The following ITGA10 variants were observed in gnomAD, a reference collection of about 807,000 sequenced individuals.
ITGA10 encodes integrin subunit alpha 10, also known as integrin alpha-10.
ITGA10 carries 105 observed loss-of-function variants against 145.2 expected under a neutral mutation model. The ratio of observed to expected loss-of-function variants is 0.72; its 90% CI spans 0.62 to 0.85. The LOEUF is 0.85. ITGA10 is among the 40% of genes least tolerant of loss of function. ITGA10 has a pLI of 0.00. For synonymous variants in ITGA10, 506 were observed against 557.8 expected (o/e 0.91, Z 1.31); for missense variants, 1,317 against 1,444.5 (o/e 0.91, Z 1.43).
In ITGA10 at chr1:145,901,867, T is replaced by C; in HGVS notation, c.1294+10A>G. ...ACCCTGTAAGTCCTCTGCAACTCTCTGCTGCTCACCCAGGTAGGCTGCATG... is the reference window on the plus strand; with the variant it reads ...ACCCTGTAAGTCCTCTGCAACTCTCCGCTGCTCACCCAGGTAGGCTGCATG... On this transcript the variant is annotated intron_variant, in intron 11 of 29. Coordinates refer to ENST00000369304, the MANE Select transcript of ITGA10 (RefSeq NM_003637.5). The surrounding 1 kb of genome is among the most constrained non-coding windows in gnomAD (Gnocchi z 4.3). 6.2e-7 allele frequency: 1 copy of C among 1,614,028 alleles called. No individual in the cohort carries two copies. The highest frequency in any genetic ancestry group is 8.5e-7 in the Non-Finnish European group (1 of 1,179,952).
At position 145,901,344 on chromosome 1, in the gene ITGA10, G is replaced by T; in HGVS notation, c.1444-66C>A. 1 of 1,583,216 alleles carries T rather than the reference G, an allele frequency of 6.3e-7. No individual in the cohort carries two copies. The highest frequency in any genetic ancestry group is 8.6e-7 in the Non-Finnish European group (1 of 1,159,662). ...AGGTAACTGTAGACAAGTGGACTCAGTGGGAAGCACTCACCAGCCTGCTAG... is the reference window on the plus strand; with the variant it reads ...AGGTAACTGTAGACAAGTGGACTCATTGGGAAGCACTCACCAGCCTGCTAG... On this transcript the variant is annotated intron_variant, in intron 12 of 29. Coordinates refer to ENST00000369304, the MANE Select transcript of ITGA10 (RefSeq NM_003637.5). This position sits in a 1 kb window ranked among gnomAD's most constrained non-coding sequence, Gnocchi z 4.3.
chr1:145,893,560 C>T lies in ITGA10; in HGVS notation c.3304G>A (p.Glu1102Lys), dbSNP rs1553743936. The change falls in exon 28 of 30, where the codon GAA (glutamate) becomes AAA (lysine). Residue 1102 changes from glutamate (E) to lysine (K), a missense_variant. Transcript: ENST00000369304. ...CCTACCTCACTCCAACGGGAGGCTT[C>T]AGTCAGCTGTAGGACACTGCCCTCT... ...TEEGSVLQLT[E>K]ASRWSESLLE... 6.2e-7 allele frequency: 1 copy of T among 1,612,156 alleles called. No homozygotes were observed. Among genetic ancestry groups the T allele is most frequent in the East Asian group, 2.2e-5 (1 of 44,832 alleles).
In ITGA10 at chr1:145,895,658, T is replaced by C; in HGVS notation, c.3087A>G (p.Pro1029=). The C allele has an allele frequency of 6.2e-7, 1 of 1,614,224 alleles. No homozygotes were observed. Among genetic ancestry groups the C allele is most frequent in the Non-Finnish European group, 8.5e-7 (1 of 1,180,024 alleles). ...GTCTGTTTGTGTGTTGAAGCTCCTC[T>C]GGATGCACAGGTGGGCCTGGGGGTT... is the stretch of plus-strand genomic sequence containing the variant. The part of the protein sequence containing the change: ...LTEPPGPPVH[P]EELQHTNRLN... Residue 1029 remains proline, a synonymous_variant, in exon 26 of 30, where the codon CCA becomes CCG. Coordinates refer to ENST00000369304, the MANE Select transcript of ITGA10 (RefSeq NM_003637.5).
chr1:145,898,088 G>A (rs1396508675), intron 18 of ITGA10, 22 bp downstream of exon 18: 12 of 1,516,890 alleles, frequency 7.9e-6, no homozygotes, highest in Non-Finnish European at 1.1e-5. Flanking sequence ...GGGAGCAAGG[G>A]GCAGGGCATG....
At chr1:145,895,456 C>G in intron 26 of ITGA10, 63 bp from the exon 27 acceptor site, 1 of 1,439,622 alleles carries the variant, frequency 6.9e-7, no homozygotes, top group Non-Finnish European at 9.7e-7. Flanking sequence ...TCTTTCCCCA[C>G]CTCTAGTTCA....
In ITGA10 at chr1:145,892,556, C is replaced by T. The variant is rs76987349; in HGVS notation, c.*242G>A. On this transcript the variant is annotated 3_prime_UTR_variant, in exon 30 of 30. Coordinates refer to ENST00000369304, the MANE Select transcript of ITGA10 (RefSeq NM_003637.5). Reference sequence around the variant, plus strand: ...AGTGTTGGCTATGGAACCAGGATCACGAGGAGGAGGGAAGCAGAGGGTGGG... The same window carrying T: ...AGTGTTGGCTATGGAACCAGGATCATGAGGAGGAGGGAAGCAGAGGGTGGG... The T allele has an allele frequency of 0.012, 5,205 of 417,764 alleles. 265 individuals carry two copies. The highest frequency in any genetic ancestry group is 0.097 in the African/African-American group (4,789 of 49,324). The allele number at this position is 417,764 out of a possible 1,614,324, so 25.9% of individuals were successfully genotyped here.
chr1:145,907,547 T>C, intron 1 of ITGA10, 82 bp from the exon 2 acceptor site: 2 of 1,580,188 alleles, frequency 1.3e-6, no homozygotes, highest in Non-Finnish European at 1.7e-6. Context: ...AGGAAGCGTC[T>C]TAATCTCAGT....
In ITGA10 at chr1:145,901,479, G is replaced by A. The variant is rs1445698194; in HGVS notation, c.1443+37C>T. On this transcript the variant is annotated intron_variant, in intron 12 of 29. Coordinates refer to ENST00000369304, the MANE Select transcript of ITGA10 (RefSeq NM_003637.5). This position sits in a 1 kb window ranked among gnomAD's most constrained non-coding sequence, Gnocchi z 4.3. ...CTCCCCAACAGCCCAGAGGTCCCTGGGAATCCAAAGGTCCCACCCTTCCTT... is the reference window on the plus strand; with the variant it reads ...CTCCCCAACAGCCCAGAGGTCCCTGAGAATCCAAAGGTCCCACCCTTCCTT... The A allele has an allele frequency of 2.0e-6, 3 of 1,533,888 alleles. No homozygotes were observed. Among genetic ancestry groups the A allele is most frequent in the Admixed American group, 2.1e-5 (1 of 46,886 alleles).
rs372794122 is a variant in ITGA10, at chr1:145,907,105, C to T, written c.210G>A (p.Arg70=). 1.5e-5 allele frequency: 24 copies of T among 1,563,780 alleles called. No homozygotes were observed. The highest frequency in any genetic ancestry group is 1.9e-5 in the Non-Finnish European group (22 of 1,153,674). ...APWDGPSGDR[R]GDVYRCPVGG... The stretch of plus-strand genomic sequence containing the variant: ...CTACAGGGCAGCGATAAACGTCCCC[C>T]CTCCGGTCGCCTGAAGGCCCATCCC... The change falls in exon 3 of 30, where the codon AGG becomes AGA. Residue 70 remains arginine, a synonymous_variant. Coordinates refer to ENST00000369304, the MANE Select transcript of ITGA10 (RefSeq NM_003637.5).
chr1:145,894,836 A>T (rs1287459503), intron 27 of ITGA10, among the ~76,000 whole-genome samples: 2 of 152,254 alleles, frequency 1.3e-5, no homozygotes, highest in African/African-American at 4.8e-5. Context: ...TGAGTTAGGC[A>T]TGAGGCTAAA....
At position 145,892,571 on chromosome 1, in the gene ITGA10, C is replaced by CAG; in HGVS notation, c.*225_*226dup. The CAG allele has an allele frequency of 4.6e-6, 2 of 432,692 alleles. No homozygotes were observed. Among genetic ancestry groups the CAG allele is most frequent in the South Asian group, 1.2e-4 (2 of 16,222 alleles). 26.8% of individuals were successfully genotyped at this position (432,692 alleles called of 1,614,324 possible). ...ACCAGGATCACGAGGAGGAGGGAAG[C>CAG]AGAGGGTGGGAGCATGGCTAGTTTT... On this transcript the variant is annotated 3_prime_UTR_variant, in exon 30 of 30. Transcript: ENST00000369304.
In ITGA10 at chr1:145,892,809, ACTTCT is replaced by A. The variant is rs781870714; in HGVS notation, c.3488_3492del (p.Glu1163ValfsTer8). On this transcript the variant is annotated frameshift_variant, in exon 30 of 30. Transcript: ENST00000369304. LOFTEE classifies it high-confidence loss of function. ...CCCTTATTCTACATTCATTGCTCCA[ACTTCT>A]CTTCTCTTTTTTCTTCCTCAGGGAT... 1.5e-5 allele frequency: 25 copies of A among 1,613,044 alleles called. No homozygotes were observed. Among genetic ancestry groups the A allele is most frequent in the Non-Finnish European group, 9.3e-6 (11 of 1,179,196 alleles).
intron 5 of ITGA10, chr1:145,905,881 G>C (rs1260165527): frequency 6.5e-6 from 1 of 154,198 alleles, no homozygotes; most frequent in African/African-American, 2.4e-5. Flanking sequence ...ACTGTGCCAG[G>C]CCAGATCATG....
chr1:145,895,066 T>G (rs781858996), intron 27 of ITGA10, among the ~76,000 whole-genome samples: 4 of 152,188 alleles, frequency 2.6e-5, no homozygotes, highest in Non-Finnish European at 5.9e-5. Context: ...CATTATTCAT[T>G]TATTCTTTAT....
At chr1:145,906,874 G>A (rs1233797911) in intron 3 of ITGA10, 50 bp from the exon 4 acceptor site, 1 of 1,364,976 alleles carries the variant, frequency 7.3e-7, no homozygotes, top group East Asian at 2.3e-5. Flanking sequence ...CATAGATGGG[G>A]TGCTTGAATT....
In ITGA10 at chr1:145,901,056, A is replaced by T. The variant is rs1413835647; in HGVS notation, c.1588-63T>A. 1.4e-5 allele frequency: 22 copies of T among 1,612,816 alleles called. 1 individual carries two copies. The Admixed American group carries it at 3.5e-4, about 26-fold the overall frequency. On this transcript the variant is annotated intron_variant, in intron 13 of 29. Transcript: ENST00000369304. This position sits in a 1 kb window ranked among gnomAD's most constrained non-coding sequence, Gnocchi z 4.3. The stretch of plus-strand genomic sequence containing the variant: ...AGACCCAACCTCTCAGCAAACCCTC[A>T]AATATGTGCACCTTCCCTCCTTTCC...
At chr1:145,899,419 C>A in intron 15 of ITGA10, 78 bp from the exon 16 acceptor site, 1 of 1,511,468 alleles carries the variant, frequency 6.6e-7, no homozygotes, top group South Asian at 1.3e-5. Flanking sequence ...GTTTGCTTCC[C>A]CATGGTCAAA....
In ITGA10 at chr1:145,897,506, A is replaced by T. The variant is rs1553745655; in HGVS notation, c.2574+6T>A. On this transcript the variant is annotated splice_donor_region_variant and intron_variant, in intron 20 of 29. Coordinates refer to ENST00000369304, the MANE Select transcript of ITGA10 (RefSeq NM_003637.5). Reference sequence around the variant, plus strand: ...CCTTCTCCCACACCCCCTCCTCCAAAGGCACCTGAGGAGTGAGACTGGCCA... The same window carrying T: ...CCTTCTCCCACACCCCCTCCTCCAATGGCACCTGAGGAGTGAGACTGGCCA... 18 of 1,613,546 alleles carry T rather than the reference A, an allele frequency of 1.1e-5. No individual in the cohort carries two copies. The highest frequency in any genetic ancestry group is 1.5e-5 in the Non-Finnish European group (18 of 1,179,744).
rs1553752673 is a variant in ITGA10, at chr1:145,909,960, C to T, written c.52+3G>A. ...CAGAAACCAAGAAGTTAACTTCCCT[C>T]ACCTGTCAGGAACACCAGGGGCAAG... On this transcript the variant is annotated splice_donor_region_variant and intron_variant, in intron 1 of 29. Transcript: ENST00000369304. 1 of 1,612,744 alleles carries T rather than the reference C, an allele frequency of 6.2e-7. No individual in the cohort carries two copies. The highest frequency in any genetic ancestry group is 1.3e-5 in the African/African-American group (1 of 74,854).
Sources: gnomAD v4.1 joint callset for allele counts (sites outside exome capture counted in the v4.1 genomes callset) on GRCh38, gnomAD v4.1.1 for gene constraint, Gnocchi (gnomAD v3.1) non-coding constraint, MANE v1.5 for transcripts, NCBI Gene and HGNC (gene_info 2026-07-23, HGNC 2026-07-21) for gene names.